MAP7: variants seen among roughly 807,000 people sequenced by gnomAD.
MAP7 encodes microtubule associated protein 7, also known as ensconsin.
In MAP7, 52 loss-of-function variants were observed where a neutral mutation model predicts 94.8. The ratio of observed to expected loss-of-function variants is 0.55; its 90% CI spans 0.44 to 0.69. MAP7 has a LOEUF of 0.69. MAP7 is among the 30% of genes least tolerant of loss of function. The pLI is 0.00. For missense variants in MAP7, 940 were observed against 964.6 expected (o/e 0.97, Z 0.34); for synonymous variants, 350 against 357.0 (o/e 0.98, Z 0.22).
chr6:136,373,589 A>T (rs1775219509), intron 7 of MAP7, among the ~76,000 whole-genome samples: 2 of 152,250 alleles, frequency 1.3e-5, no homozygotes. Context: ...AGGTATCAAA[A>T]GTGTGAGTAT....
chr6:136,391,433 G>A (rs551907257), intron 3 of MAP7, among the ~76,000 whole-genome samples: 25 of 146,700 alleles, frequency 1.7e-4, no homozygotes, highest in Admixed American at 3.4e-4. Flanking sequence ...GATAGCATTG[G>A]GAGATATACC....
intron 1 of MAP7, among the ~76,000 whole-genome samples, chr6:136,434,878 C>T (rs933212346): frequency 5.9e-5 from 9 of 152,194 alleles, no homozygotes; most frequent in Admixed American, 2.0e-4. Context: ...AGTGGCCCAT[C>T]AGGGAGCATT....
chr6:136,494,460 A>C lies in MAP7; in HGVS notation c.67+55882T>G, dbSNP rs759179803. 3.9e-5 allele frequency among the ~76,000 whole-genome samples: 6 copies of C among 152,324 alleles called. No homozygotes were observed. In the East Asian group the frequency reaches 9.6e-4, roughly 24 times the overall value. ...GAAATCTCTGACTAGGCAAGATAGAAATACTTGTGCAGAAAAATTCACTGT... is the reference window on the plus strand; with the variant it reads ...GAAATCTCTGACTAGGCAAGATAGACATACTTGTGCAGAAAAATTCACTGT... On this transcript the variant is annotated intron_variant, in intron 1 of 17. Transcript: ENST00000354570.
At chr6:136,528,565 C>A (rs564658399) in intron 1 of MAP7, among the ~76,000 whole-genome samples, 25 of 152,126 alleles carry the variant, frequency 1.6e-4, no homozygotes, top group African/African-American at 2.9e-4. Flanking sequence ...ACAAAAAAAA[C>A]CCCACATACA....
chr6:136,412,421 A>G (rs1787778307), intron 2 of MAP7, among the ~76,000 whole-genome samples: 1 of 152,232 alleles, frequency 6.6e-6, no homozygotes, highest in Non-Finnish European at 1.5e-5. Context: ...AACAAGACAA[A>G]TAAGTACTAT....
chr6:136,379,671 G>C (rs1035187848), intron 6 of MAP7, among the ~76,000 whole-genome samples: 7 of 152,318 alleles, frequency 4.6e-5, no homozygotes, highest in African/African-American at 1.4e-4. Flanking sequence ...TACGATGACT[G>C]TGGCTTACAA....
intron 1 of MAP7, among the ~76,000 whole-genome samples, chr6:136,548,866 C>G (rs188087595): frequency 6.6e-6 from 1 of 152,330 alleles, no homozygotes; most frequent in Admixed American, 6.5e-5. Flanking sequence ...GAGGATGCTC[C>G]TCTCCCGGGG....
At chr6:136,359,555 A>G (rs904523618) in intron 15 of MAP7, among the ~76,000 whole-genome samples, 1 of 152,212 alleles carries the variant, frequency 6.6e-6, no homozygotes, top group African/African-American at 2.4e-5. Context: ...ATATATACAT[A>G]TATGCATAAA....
chr6:136,537,435 G>T (rs1234811111), intron 1 of MAP7, among the ~76,000 whole-genome samples: 1 of 152,070 alleles, frequency 6.6e-6, no homozygotes, highest in Non-Finnish European at 1.5e-5. Context: ...ACTTTCAACT[G>T]TTGAGACATC....
chr6:136,367,320 C>T (rs897865809), intron 8 of MAP7, among the ~76,000 whole-genome samples: 7 of 152,322 alleles, frequency 4.6e-5, no homozygotes, highest in East Asian at 3.9e-4. Context: ...GGGAGGGGCA[C>T]GTGCTGGAGG....
At chr6:136,465,639 T>C (rs921837129) in intron 1 of MAP7, among the ~76,000 whole-genome samples, 1 of 152,184 alleles carries the variant, frequency 6.6e-6, no homozygotes, top group Non-Finnish European at 1.5e-5. Flanking sequence ...GACACACTTA[T>C]AGAATATAAA....
Position 136,345,984 on chromosome 6 carries a change from G to T in MAP7, c.2111C>A (p.Pro704Gln), listed in dbSNP as rs1412760148. 3 of 1,610,640 alleles carry T rather than the reference G, an allele frequency of 1.9e-6. No homozygotes were observed. The Admixed American group carries it at 5.0e-5, about 27-fold the overall frequency. ...EIINLPIGSK[P>Q]SRLDVTNSES... ...ACTGTTGGTGACATCTAATCTGGAT[G>T]GTTTAGATCCAATGGGTAAGTTTAT... Residue 704 changes from proline (P) to glutamine (Q), a missense_variant, in exon 17 of 18, where the codon CCA becomes CAA. Physicochemically the swap from Pro to Gln is moderately conservative, Grantham distance 76 (BLOSUM62 -1). Coordinates refer to ENST00000354570, the MANE Select transcript of MAP7 (RefSeq NM_003980.6).
rs529217513 is a variant in MAP7, at chr6:136,453,634, T to C, written c.68-31835A>G. On this transcript the variant is annotated intron_variant, in intron 1 of 17. Transcript: ENST00000354570. ...AGAGACTTCCTGCATTAGACACAAA[T>C]AGGTAGAAATTTTTGTAATTATGCT... 2.6e-5 allele frequency among the ~76,000 whole-genome samples: 4 copies of C among 152,306 alleles called. No individual in the cohort carries two copies. In the South Asian group the frequency reaches 8.3e-4, roughly 32 times the overall value.
chr6:136,377,988 G>T, intron 6 of MAP7, 120 bp from the exon 7 acceptor site: 1 of 635,456 alleles, frequency 1.6e-6, no homozygotes, highest in Non-Finnish European at 2.7e-6. Flanking sequence ...TCTGCAGGGA[G>T]GATGGTTGGC....
chr6:136,484,477 T>C (rs1813975758), intron 1 of MAP7, among the ~76,000 whole-genome samples: 1 of 152,196 alleles, frequency 6.6e-6, no homozygotes, highest in Non-Finnish European at 1.5e-5. Context: ...ATTTAATGCT[T>C]TCTTTGCCAC....
chr6:136,360,462 CTG>C (rs982750265), intron 13 of MAP7, among the ~76,000 whole-genome samples: 4 of 152,110 alleles, frequency 2.6e-5, no homozygotes, highest in Non-Finnish European at 5.9e-5. Context: ...TTTGTCTTAA[CTG>C]GGGTTATTCA....
At chr6:136,465,198 T>A (rs1279305210) in intron 1 of MAP7, among the ~76,000 whole-genome samples, 1 of 152,178 alleles carries the variant, frequency 6.6e-6, no homozygotes, top group Admixed American at 6.5e-5. Flanking sequence ...TTGCAGGAAA[T>A]TGGAAAACTA....
chr6:136,383,998 C>T (rs988597647), intron 5 of MAP7, among the ~76,000 whole-genome samples: 27 of 152,108 alleles, frequency 1.8e-4, no homozygotes, highest in African/African-American at 6.3e-4. Context: ...ATTTATTTCA[C>T]CAGCTTGTCA....
intron 9 of MAP7, 55 bp from the exon 10 acceptor site, chr6:136,366,073 CA>C: frequency 6.5e-7 from 1 of 1,548,538 alleles, no homozygotes. Context: ...ACAGGCTTGC[CA>C]GAACCTAGAA....
Sources: allele counts gnomAD v4.1 joint callset (sites outside exome capture counted in the v4.1 genomes callset), GRCh38; gene constraint gnomAD v4.1.1; transcripts MANE v1.5; gene names NCBI Gene and HGNC (gene_info 2026-07-23, HGNC 2026-07-21).